The following PTPRD variants were observed in gnomAD, a reference collection of about 807,000 sequenced individuals.
The protein encoded by PTPRD is protein tyrosine phosphatase receptor type D.
Under a neutral mutation model 214.5 loss-of-function variants are expected in PTPRD, and 34 were observed. That is an observed-to-expected ratio of 0.16 (90% confidence interval 0.12 to 0.21). PTPRD has a LOEUF of 0.21. Ranked by LOEUF, PTPRD falls within the 10% of genes least tolerant of loss-of-function variation. The pLI is 1.00. For missense variants in PTPRD, 2,545 were observed against 2,398.7 expected (o/e 1.06, Z -1.27); for synonymous variants, 1,128 against 845.7 (o/e 1.33, Z -5.79).
At chr9:8,875,366 A>AT (rs71500966) in intron 11 of PTPRD, among the ~76,000 whole-genome samples, 39,968 of 150,678 alleles carry the variant, frequency 0.27, 6,188 homozygotes, top group Non-Finnish European at 0.35. Context: ...TACAAAAATA[A>AT]TTTTTTTTTT....
chr9:9,372,130 C>A (rs1057435827), intron 9 of PTPRD, among the ~76,000 whole-genome samples: 1 of 151,882 alleles, frequency 6.6e-6, no homozygotes, highest in Non-Finnish European at 1.5e-5. Flanking sequence ...CTATTAGGTC[C>A]GCTTGGTGCA....
intron 2 of PTPRD, among the ~76,000 whole-genome samples, chr9:10,559,140 T>G (rs892489029): frequency 1.3e-4 from 20 of 152,180 alleles, no homozygotes; most frequent in African/African-American, 4.8e-4. Flanking sequence ...CTTAAATGCT[T>G]CCACTGAAGA....
intron 12 of PTPRD, among the ~76,000 whole-genome samples, chr9:8,705,219 T>G (rs1374653314): frequency 6.6e-6 from 1 of 152,096 alleles, no homozygotes; most frequent in Non-Finnish European, 1.5e-5. Flanking sequence ...ATTTTTGTTG[T>G]TGTTACTGTT....
At chr9:9,712,094 C>A (rs543394875) in intron 7 of PTPRD, among the ~76,000 whole-genome samples, 1 of 151,998 alleles carries the variant, frequency 6.6e-6, no homozygotes, top group Non-Finnish European at 1.5e-5. Context: ...TTTTAACCTG[C>A]GGAATTTAAT....
intron 10 of PTPRD, among the ~76,000 whole-genome samples, chr9:9,042,753 C>G (rs1296648560): frequency 1.3e-5 from 2 of 151,692 alleles, no homozygotes; most frequent in African/African-American, 4.8e-5. Context: ...TTGAAAATGC[C>G]AGATACTTGG....
chr9:8,567,632 G>A (rs924228891), intron 14 of PTPRD, among the ~76,000 whole-genome samples: 1 of 152,158 alleles, frequency 6.6e-6, no homozygotes, highest in Non-Finnish European at 1.5e-5. Flanking sequence ...ATATTTGCGT[G>A]TAATCTCCTA....
chr9:9,267,216 T>C (rs1940309751), intron 9 of PTPRD, among the ~76,000 whole-genome samples: 9 of 150,942 alleles, frequency 6.0e-5, no homozygotes, highest in Admixed American at 6.0e-4. Context: ...AAATCAGAAA[T>C]GAAAGAAGAG....
intron 3 of PTPRD, among the ~76,000 whole-genome samples, chr9:10,254,324 T>C (rs2093055035): frequency 6.6e-6 from 1 of 152,212 alleles, no homozygotes; most frequent in Admixed American, 6.5e-5. Flanking sequence ...CTTAATAGTG[T>C]TTTGGATTTT....
At chr9:9,348,511 G>A (rs993116173) in intron 9 of PTPRD, among the ~76,000 whole-genome samples, 18 of 152,094 alleles carry the variant, frequency 1.2e-4, no homozygotes, top group African/African-American at 4.3e-4. Context: ...AGTATGCTGG[G>A]TGGGTGAACA....
At chr9:9,415,949 T>G (rs888927426) in intron 8 of PTPRD, among the ~76,000 whole-genome samples, 4 of 152,164 alleles carry the variant, frequency 2.6e-5, no homozygotes, top group Non-Finnish European at 5.9e-5. Context: ...AGAGTGCTTT[T>G]GAGTAACAGT....
At chr9:9,227,647 C>A (rs930916517) in intron 9 of PTPRD, among the ~76,000 whole-genome samples, 2 of 152,092 alleles carry the variant, frequency 1.3e-5, no homozygotes, top group African/African-American at 4.8e-5. Flanking sequence ...ATCACAACTT[C>A]TTTGTAGTTC....
chr9:10,167,721 C>G (rs979110731), intron 3 of PTPRD, among the ~76,000 whole-genome samples: 2 of 152,120 alleles, frequency 1.3e-5, no homozygotes, highest in African/African-American at 4.8e-5. Flanking sequence ...CTAGATAAAG[C>G]CCAAATTCAC....
intron 11 of PTPRD, among the ~76,000 whole-genome samples, chr9:8,788,686 C>T (rs2096097237): frequency 6.6e-6 from 1 of 152,148 alleles, no homozygotes; most frequent in Admixed American, 6.5e-5. Flanking sequence ...TCTTATCATT[C>T]GAATCAGCCA....
At chr9:8,670,992 T>G (rs991023246) in intron 12 of PTPRD, among the ~76,000 whole-genome samples, 1 of 152,142 alleles carries the variant, frequency 6.6e-6, no homozygotes, top group African/African-American at 2.4e-5. Flanking sequence ...ACACAGCCTG[T>G]GTGTGTGGAT....
At chr9:10,334,697 A>G (rs1340601370) in intron 3 of PTPRD, among the ~76,000 whole-genome samples, 1 of 151,522 alleles carries the variant, frequency 6.6e-6, no homozygotes, top group Non-Finnish European at 1.5e-5. Flanking sequence ...TCATGGAACT[A>G]ATCAGCCGTT....
At chr9:8,528,541 T>TAAA in intron 15 of PTPRD, 50 bp downstream of exon 15, 1 of 1,314,712 alleles carries the variant, frequency 7.6e-7, no homozygotes, top group Admixed American at 2.3e-5. Flanking sequence ...AGAGAAAAAT[T>TAAA]AAAAAAAAAA....
rs76969688 is a variant in PTPRD, at chr9:8,460,604, A to G, written c.3715-33T>C. On this transcript the variant is annotated intron_variant, in intron 32 of 45. Transcript: ENST00000381196. ...AAAGCAGAGTCTATTTCAGTTATAAAATAATGACTTTCTAGATAAGTACCT... is the reference window on the plus strand; with the variant it reads ...AAAGCAGAGTCTATTTCAGTTATAAGATAATGACTTTCTAGATAAGTACCT... 421 of 1,591,372 alleles carry G rather than the reference A, an allele frequency of 2.6e-4. No individual in the cohort carries two copies. The African/African-American group carries it at 5.1e-3, about 19-fold the overall frequency.
At chr9:10,351,022 G>A (rs927679431) in intron 2 of PTPRD, among the ~76,000 whole-genome samples, 2 of 152,004 alleles carry the variant, frequency 1.3e-5, no homozygotes, top group Admixed American at 6.6e-5. Context: ...TCAGTTTTAG[G>A]GAGATGGCAT....
At chr9:10,464,815 T>C (rs1537812) in intron 2 of PTPRD, among the ~76,000 whole-genome samples, 26,865 of 152,122 alleles carry the variant, frequency 0.18, 2,989 homozygotes, top group East Asian at 0.48. Flanking sequence ...TTAAATTGCT[T>C]ATCATTAAAA....
Sources: gnomAD v4.1 joint callset for allele counts (sites outside exome capture counted in the v4.1 genomes callset) on GRCh38, gnomAD v4.1.1 for gene constraint, MANE v1.5 for transcripts, NCBI Gene and HGNC (gene_info 2026-07-23, HGNC 2026-07-21) for gene names.